The following WWOX variants were observed in gnomAD, a reference collection of about 807,000 sequenced individuals.
The protein encoded by WWOX is WW domain-containing oxidoreductase.
Under a neutral mutation model 46.2 loss-of-function variants are expected in WWOX, and 69 were observed. The ratio of observed to expected loss-of-function variants is 1.49; its 90% CI spans 1.23 to 1.82. WWOX has a LOEUF of 1.82. Among genes scored for constraint, WWOX ranks in the 40% most tolerant of loss-of-function variants. WWOX has a pLI of 0.00. For synonymous variants in WWOX, 359 were observed against 202.6 expected, an observed-to-expected ratio of 1.77 and a Z score of -6.56; for missense variants, 919 against 542.6, an observed-to-expected ratio of 1.69 and a Z score of -6.89.
chr16:79,125,548 G>T (rs1284443879), intron 8 of WWOX, among the ~76,000 whole-genome samples: 1 of 152,138 alleles, frequency 6.6e-6, no homozygotes, highest in African/African-American at 2.4e-5. Context: ...CAAGTGTAGG[G>T]AGTCCCAACT....
chr16:78,513,002 A>G (rs545704966), intron 8 of WWOX, among the ~76,000 whole-genome samples: 112 of 152,250 alleles, frequency 7.4e-4, no homozygotes, highest in Admixed American at 2.0e-3. Flanking sequence ...CATTTAGGAG[A>G]TATTTGTGGA....
intron 4 of WWOX, among the ~76,000 whole-genome samples, chr16:78,154,269 C>T (rs1454079878): frequency 6.6e-6 from 1 of 152,094 alleles, no homozygotes; most frequent in East Asian, 1.9e-4. Flanking sequence ...GTCACAAGGC[C>T]ACAGTATCTT....
chr16:78,657,195 T>G (rs71398103), intron 8 of WWOX, among the ~76,000 whole-genome samples: 1 of 152,200 alleles, frequency 6.6e-6, no homozygotes, highest in Admixed American at 6.5e-5. Flanking sequence ...TTACTCTGAG[T>G]CTGTCCATTG....
chr16:78,158,746 G>A (rs1454789890), intron 4 of WWOX, among the ~76,000 whole-genome samples: 6 of 151,988 alleles, frequency 3.9e-5, no homozygotes, highest in Non-Finnish European at 1.5e-5. Context: ...TATGATTGAT[G>A]TACAAAAAGC....
intron 8 of WWOX, among the ~76,000 whole-genome samples, chr16:78,818,839 G>A (rs1047787952): frequency 6.6e-6 from 1 of 152,192 alleles, no homozygotes; most frequent in Non-Finnish European, 1.5e-5. Context: ...GCGTAAGTGA[G>A]AATATTGGCA....
At chr16:78,700,116 G>C (rs1015131258) in intron 8 of WWOX, among the ~76,000 whole-genome samples, 15 of 151,596 alleles carry the variant, frequency 9.9e-5, no homozygotes, top group African/African-American at 3.6e-4. Context: ...ACCCACACTA[G>C]TTACGTGGAC....
chr16:78,511,058 G>A (rs746175770), intron 8 of WWOX, among the ~76,000 whole-genome samples: 18 of 152,186 alleles, frequency 1.2e-4, no homozygotes, highest in Admixed American at 7.2e-4. Flanking sequence ...TTCATACTGC[G>A]TGTTTATAGT....
chr16:78,716,294 A>T (rs1258206299), intron 8 of WWOX, among the ~76,000 whole-genome samples: 2 of 152,030 alleles, frequency 1.3e-5, no homozygotes, highest in Non-Finnish European at 2.9e-5. Flanking sequence ...GGCAGGAAGC[A>T]TCCTCCCCTC....
At chr16:78,849,578 A>AC (rs2052389381) in intron 8 of WWOX, among the ~76,000 whole-genome samples, 1 of 150,258 alleles carries the variant, frequency 6.7e-6, no homozygotes, top group Non-Finnish European at 1.5e-5. Context: ...CCTCTCAAAA[A>AC]AAAAAAAAAA....
intron 3 of WWOX, among the ~76,000 whole-genome samples, chr16:78,114,565 A>G (rs1188508518): frequency 6.6e-6 from 1 of 152,150 alleles, no homozygotes; most frequent in Non-Finnish European, 1.5e-5. Context: ...TGAGTTTTCT[A>G]CTTCTCTACG....
intron 5 of WWOX, among the ~76,000 whole-genome samples, chr16:78,329,869 C>T (rs1432287820): frequency 6.6e-6 from 1 of 151,968 alleles, no homozygotes. Flanking sequence ...ACCTCAACCT[C>T]CCAAGTAGCT....
intron 8 of WWOX, among the ~76,000 whole-genome samples, chr16:78,565,570 T>A (rs1018289664): frequency 1.3e-5 from 2 of 152,330 alleles, no homozygotes; most frequent in Non-Finnish European, 2.9e-5. Flanking sequence ...ACCCAGATAA[T>A]CTTGGATAAT....
At chr16:78,169,520 C>T (rs999117801) in intron 5 of WWOX, among the ~76,000 whole-genome samples, 6 of 151,968 alleles carry the variant, frequency 3.9e-5, no homozygotes, top group Admixed American at 6.6e-5. Flanking sequence ...TATTAGGTAT[C>T]AAAACATACT....
In WWOX at chr16:79,015,947, C is replaced by T. The variant is rs181285060; in HGVS notation, c.1057-195661C>T. Among the ~76,000 whole-genome samples the T allele has an allele frequency of 7.8e-4, 119 of 152,274 alleles. 1 individual carries two copies. Among genetic ancestry groups the T allele is most frequent in the East Asian group, 5.0e-3 (26 of 5,172 alleles). On this transcript the variant is annotated intron_variant, in intron 8 of 8. Coordinates refer to ENST00000566780, the MANE Select transcript of WWOX (RefSeq NM_016373.4). ...AGTATTTTTAGTAGAGACAGGATTTCGCCATGTTGGCCAGGATGATCTTGA... is the reference window on the plus strand; with the variant it reads ...AGTATTTTTAGTAGAGACAGGATTTTGCCATGTTGGCCAGGATGATCTTGA...
intron 8 of WWOX, among the ~76,000 whole-genome samples, chr16:78,716,533 G>A (rs1316198081): frequency 2.0e-5 from 3 of 152,052 alleles, no homozygotes; most frequent in African/African-American, 4.8e-5. Context: ...TCACTTTTGG[G>A]TCCCTATGTC....
At chr16:78,438,309 C>G (rs146487639) in intron 8 of WWOX, among the ~76,000 whole-genome samples, 196 of 152,196 alleles carry the variant, frequency 1.3e-3, no homozygotes, top group African/African-American at 4.4e-3. Flanking sequence ...GCCTTGTAAA[C>G]TTTCACTTGC....
At chr16:78,663,810 G>T (rs373150744) in intron 8 of WWOX, among the ~76,000 whole-genome samples, 1 of 152,174 alleles carries the variant, frequency 6.6e-6, no homozygotes, top group Admixed American at 6.5e-5. Flanking sequence ...CCTCAGCAAA[G>T]AAAATCTCAA....
chr16:78,707,987 T>A (rs1330477642), intron 8 of WWOX, among the ~76,000 whole-genome samples: 1 of 152,236 alleles, frequency 6.6e-6, no homozygotes, highest in East Asian at 1.9e-4. Flanking sequence ...ACTTGATCTT[T>A]GGTCTTCTGA....
intron 5 of WWOX, among the ~76,000 whole-genome samples, chr16:78,178,172 A>C (rs2151750196): frequency 6.6e-6 from 1 of 152,308 alleles, no homozygotes; most frequent in South Asian, 2.1e-4. Context: ...AGCCACATGC[A>C]AGTGGCCTGG....
Sources: allele counts gnomAD v4.1 joint callset (sites outside exome capture counted in the v4.1 genomes callset), GRCh38; gene constraint gnomAD v4.1.1; transcripts MANE v1.5; gene names NCBI Gene and HGNC (gene_info 2026-07-23, HGNC 2026-07-21).